GIGYF2: variants seen among roughly 807,000 people sequenced by gnomAD.
The protein encoded by GIGYF2 is GRB10 interacting GYF protein 2.
In GIGYF2, 25 loss-of-function variants were observed where a neutral mutation model predicts 208.1. The observed-to-expected ratio is 0.12, with a 90% CI of 0.09 to 0.17. GIGYF2 has a LOEUF of 0.17. Among genes scored for constraint, GIGYF2 ranks in the 10% least tolerant of loss-of-function variants. The pLI, the probability that GIGYF2 is intolerant of heterozygous loss-of-function variation, is 1.00. For synonymous variants in GIGYF2, 534 were observed against 543.8 expected, an observed-to-expected ratio of 0.98 and a Z score of 0.25; for missense variants, 1,302 against 1,579.4, an observed-to-expected ratio of 0.82 and a Z score of 2.98.
In GIGYF2 at chr2:232,748,999, C is replaced by G; in HGVS notation, c.184C>G (p.Leu62Val). The change falls in exon 5 of 29, where the codon CTT becomes GTT. Residue 62 changes from leucine to valine, a missense_variant. Leu to Val is a conservative substitution (Grantham distance 32). Around this residue, in one of 8 missense-constraint regions of GIGYF2, gnomAD observed 189 missense variants for 257.7 expected, o/e 0.73. Transcript: ENST00000373563. Reference sequence around the variant, plus strand: ...TTTGGTCCTACAGATACCTTCAGACCTTCTGGATAAAGAATTTCTGCCTAT... The same window carrying G: ...TTTGGTCCTACAGATACCTTCAGACGTTCTGGATAAAGAATTTCTGCCTAT... ...FLKDNKIPSD[L>V]LDKEFLPILQ... 1 of 1,570,750 alleles carries G rather than the reference C, an allele frequency of 6.4e-7. No individual in the cohort carries two copies. The highest frequency in any genetic ancestry group is 1.3e-5 in the African/African-American group (1 of 74,154).
In GIGYF2 at chr2:232,796,091, A is replaced by G; in HGVS notation, c.1509A>G (p.Gln503=). 9.9e-6 allele frequency: 16 copies of G among 1,612,034 alleles called. No individual in the cohort carries two copies. The highest frequency in any genetic ancestry group is 1.3e-5 in the Non-Finnish European group (15 of 1,178,124). Residue 503 remains glutamine, a synonymous_variant, in exon 14 of 29, where the codon CAA becomes CAG. Transcript: ENST00000373563. ...QQAEKMVAYL[Q]DSALDDERLA... is the part of the protein sequence containing the mutation. ...CTGAGAAAATGGTGGCTTATCTCCA[A>G]GACAGTGCACTAGATGATGAAAGAT...
rs756030444 is a variant in GIGYF2, at chr2:232,856,856, A to G, written c.3896A>G (p.Tyr1299Cys). 13 of 1,606,864 alleles carry G rather than the reference A, an allele frequency of 8.1e-6. No homozygotes were observed. The highest frequency in any genetic ancestry group is 1.1e-5 in the South Asian group (1 of 90,916). ...NMGEIETLDD[Y>C] ...GGTGAAATCGAGACGTTGGATGACTACTGAGCACCTGCCAGTGGACTGGCC... is the reference window on the plus strand; with the variant it reads ...GGTGAAATCGAGACGTTGGATGACTGCTGAGCACCTGCCAGTGGACTGGCC... Residue 1299 changes from tyrosine (Y) to cysteine (C), a missense_variant, in exon 29 of 29, where the codon TAC becomes TGC. Physicochemically the swap from Tyr to Cys is radical, Grantham distance 194 (BLOSUM62 -2). Transcript: ENST00000373563.
chr2:232,845,946 C>G, intron 26 of GIGYF2, 60 bp downstream of exon 26: 1 of 1,205,378 alleles, frequency 8.3e-7, no homozygotes, highest in Non-Finnish European at 1.2e-6. Context: ...CACAGAGAGG[C>G]TGGCAAATTT....
At position 232,845,826 on chromosome 2, in the gene GIGYF2, G is replaced by C. The variant is rs770629077; in HGVS notation, c.3400G>C (p.Gly1134Arg). Residue 1134 changes from glycine to arginine, a missense_variant, in exon 26 of 29, where the codon GGA (glycine) becomes CGA (arginine). Physicochemically the swap from Gly to Arg is moderately radical, Grantham distance 125 (BLOSUM62 -2). This residue lies in a region of GIGYF2 where 701 missense variants were observed against 793.0 expected (regional missense o/e 0.88). Coordinates refer to ENST00000373563, the MANE Select transcript of GIGYF2 (RefSeq NM_001103146.3). ...TCAGGGAGTAAATAAAGCCCAAGATGGATTTACGCAGTGGTGTGAACAGAT... is the reference window on the plus strand; with the variant it reads ...TCAGGGAGTAAATAAAGCCCAAGATCGATTTACGCAGTGGTGTGAACAGAT... ...LFQGVNKAQD[G>R]FTQWCEQMLH... The C allele has an allele frequency of 6.2e-7, 1 of 1,613,596 alleles. No individual in the cohort carries two copies. The highest frequency in any genetic ancestry group is 8.5e-7 in the Non-Finnish European group (1 of 1,179,548).
At chr2:232,738,442 C>T (rs1397425264) in intron 3 of GIGYF2, among the ~76,000 whole-genome samples, 1 of 152,174 alleles carries the variant, frequency 6.6e-6, no homozygotes, top group Non-Finnish European at 1.5e-5. Flanking sequence ...ACCCTCCACC[C>T]TTTACTCCCT....
chr2:232,832,809 C>T, intron 21 of GIGYF2, 48 bp from the exon 22 acceptor site: 1 of 1,390,700 alleles, frequency 7.2e-7, no homozygotes, highest in Non-Finnish European at 9.9e-7. Context: ...GATTTTTCCC[C>T]CCACAATTAA....
At chr2:232,799,375 C>T (rs1287868012) in intron 14 of GIGYF2, among the ~76,000 whole-genome samples, 1 of 150,814 alleles carries the variant, frequency 6.6e-6, no homozygotes, top group Non-Finnish European at 1.5e-5. Context: ...GAGACCTTGT[C>T]TCTATAAAAA....
chr2:232,741,822 TTC>T (rs961173789), intron 3 of GIGYF2, among the ~76,000 whole-genome samples: 1 of 152,166 alleles, frequency 6.6e-6, no homozygotes, highest in African/African-American at 2.4e-5. Flanking sequence ...AGATCAAGAC[TTC>T]TCTAAAATCC....
intron 2 of GIGYF2, among the ~76,000 whole-genome samples, chr2:232,731,839 C>T (rs985735193): frequency 6.6e-6 from 1 of 152,158 alleles, no homozygotes; most frequent in Non-Finnish European, 1.5e-5. Flanking sequence ...GGCTCCGGCA[C>T]ATCTGGCACA....
rs12988299 is a variant in GIGYF2, at chr2:232,836,329, T to A, written c.2766+3236T>A. On this transcript the variant is annotated intron_variant, in intron 22 of 28. Transcript: ENST00000373563. ...ATATATATATATATATATATATATA[T>A]ACATATATATACTTATATATTTATA... is the stretch of plus-strand genomic sequence containing the variant. Among the ~76,000 whole-genome samples the A allele has an allele frequency of 1.9e-4, 5 of 26,772 alleles. 1 individual carries two copies. Among genetic ancestry groups the A allele is most frequent in the African/African-American group, 4.9e-4 (4 of 8,178 alleles). 17.6% of individuals were successfully genotyped at this position (26,772 alleles called of 152,430 possible). A position where few individuals can be genotyped will look rare whatever the true frequency, so the allele number is the denominator to read the frequency against.
chr2:232,806,506 A>C lies in GIGYF2; in HGVS notation c.1655A>C (p.Gln552Pro). The change falls in exon 15 of 29, where the codon CAG becomes CCG. Residue 552 changes from glutamine to proline, a missense_variant. Physicochemically the swap from Gln to Pro is moderately conservative, Grantham distance 76. This residue lies in a region of GIGYF2 where 69 missense variants were observed against 132.8 expected (regional missense o/e 0.52). Coordinates refer to ENST00000373563, the MANE Select transcript of GIGYF2 (RefSeq NM_001103146.3). This position sits in a 1 kb window ranked among gnomAD's most constrained non-coding sequence, Gnocchi z 4.0. ...QGEIQGPFNNQEMAEWFQAGY... is the reference protein window; with the variant it reads ...QGEIQGPFNNPEMAEWFQAGY... ...GCTGTTATAGGTCCCTTCAATAATC[A>C]GGAGATGGCAGAATGGTTTCAGGCG... is the stretch of plus-strand genomic sequence containing the variant. The C allele has an allele frequency of 1.2e-6, 2 of 1,607,416 alleles. No individual in the cohort carries two copies. The highest frequency in any genetic ancestry group is 1.7e-6 in the Non-Finnish European group (2 of 1,173,916).
At chr2:232,766,109 C>T (rs974676104) in intron 8 of GIGYF2, 1 of 400,604 alleles carries the variant, frequency 2.5e-6, no homozygotes, top group Non-Finnish European at 5.2e-6. Flanking sequence ...TAATCCTTAA[C>T]CTAGAAACTG....
rs557927782 is a variant in GIGYF2 at position 232,803,087 on chromosome 2, C to T, written c.1640-3404C>T. 3.3e-5 allele frequency among the ~76,000 whole-genome samples: 5 copies of T among 152,150 alleles called. No homozygotes were observed. The South Asian group carries it at 1.0e-3, about 32-fold the overall frequency. ...GCTCATTTTAGTAGAGATGGGGTTT[C>T]ACCATGTTGGCCAGGCTGGTCTCGA... On this transcript the variant is annotated intron_variant, in intron 14 of 28. Transcript: ENST00000373563.
chr2:232,738,765 C>T (rs747471672), intron 3 of GIGYF2, among the ~76,000 whole-genome samples: 9 of 152,038 alleles, frequency 5.9e-5, no homozygotes, highest in Non-Finnish European at 8.8e-5. Context: ...TTGTTTTTAT[C>T]ACTGATCATT....
intron 8 of GIGYF2, among the ~76,000 whole-genome samples, chr2:232,770,416 T>G (rs573319810): frequency 5.3e-5 from 8 of 152,324 alleles, no homozygotes; most frequent in South Asian, 2.1e-4. Flanking sequence ...GACTGTGGTG[T>G]TCTGGGCTCA....
Position 232,833,110 on chromosome 2 carries a change from CA to C in GIGYF2, c.2766+19del. 6.6e-7 allele frequency: 1 copy of C among 1,520,286 alleles called. No individual in the cohort carries two copies. The highest frequency in any genetic ancestry group is 8.9e-7 in the Non-Finnish European group (1 of 1,118,700). The allele number at this position is 1,520,286 out of a possible 1,614,324, so 94.2% of individuals were successfully genotyped here. On this transcript the variant is annotated intron_variant, in intron 22 of 28. Transcript: ENST00000373563. ...CAGATGAAGGTAAAGCCCGAGGCATCAACCTTAGGAGCTCCTTGCTAACATT... is the reference window on the plus strand; with the variant it reads ...CAGATGAAGGTAAAGCCCGAGGCATCACCTTAGGAGCTCCTTGCTAACATT...
intron 21 of GIGYF2, among the ~76,000 whole-genome samples, chr2:232,830,103 C>G (rs1405643053): frequency 1.3e-5 from 2 of 152,164 alleles, no homozygotes; most frequent in Admixed American, 1.3e-4. Flanking sequence ...GTCTCAGCCT[C>G]TCAAGTACCT....
chr2:232,847,478 A>T lies in GIGYF2; in HGVS notation c.3591A>T (p.Lys1197Asn). ...AGCAGTTCCTTGAGCGCCGTGCCAA[A>T]CAGAAAGCCAACCAGCAGCGTCAGC... ...FAKQFLERRAKQKANQQRQQQ... is the reference protein window; with the variant it reads ...FAKQFLERRANQKANQQRQQQ... Residue 1197 changes from lysine to asparagine, a missense_variant, in exon 27 of 29, where the codon AAA (lysine) becomes AAT (asparagine). This residue lies in a region of GIGYF2 where 701 missense variants were observed against 793.0 expected (regional missense o/e 0.88). Transcript: ENST00000373563. 1 of 1,612,798 alleles carries T rather than the reference A, an allele frequency of 6.2e-7. No individual in the cohort carries two copies. Among genetic ancestry groups the T allele is most frequent in the Non-Finnish European group, 8.5e-7 (1 of 1,179,560 alleles).
chr2:232,816,853 A>G lies in GIGYF2; in HGVS notation c.2209-18A>G, dbSNP rs756918531. On this transcript the variant is annotated intron_variant, in intron 19 of 28. Coordinates refer to ENST00000373563, the MANE Select transcript of GIGYF2 (RefSeq NM_001103146.3). Reference sequence around the variant, plus strand: ...TGCTTGGTTTCAAGTTTCTAAGAGTACTCTTGTGTAATCACAGCTAGAGCA... The same window carrying G: ...TGCTTGGTTTCAAGTTTCTAAGAGTGCTCTTGTGTAATCACAGCTAGAGCA... 8.8e-6 allele frequency: 14 copies of G among 1,598,936 alleles called. No individual in the cohort carries two copies. The highest frequency in any genetic ancestry group is 5.4e-5 in the African/African-American group (4 of 74,508).
Sources: gnomAD v4.1 joint callset for allele counts (sites outside exome capture counted in the v4.1 genomes callset) on GRCh38, gnomAD v4.1.1 for gene constraint, gnomAD v4.1.1 regional missense constraint, Gnocchi (gnomAD v3.1) non-coding constraint, MANE v1.5 for transcripts, NCBI Gene and HGNC (gene_info 2026-07-23, HGNC 2026-07-21) for gene names.